The following POFUT4 variants were observed in gnomAD, a reference collection of about 807,000 sequenced individuals.
POFUT4 encodes protein O-fucosyltransferase 4.
the POFUT4 span, among the ~76,000 whole-genome samples, chr10:73,778,398 A>G: frequency 2.0e-5 from 3 of 150,830 alleles, no homozygotes; most frequent in African/African-American, 7.3e-5. Flanking sequence ...TCCCAAAAAA[A>G]AAAAAAAAAA....
chr10:73,775,198 C>T, the POFUT4 span: 1 of 561,446 alleles, frequency 1.8e-6, no homozygotes, highest in Non-Finnish European at 3.2e-6. Context: ...AGATAATCAT[C>T]TAAAGACCCC....
the POFUT4 span, chr10:73,772,672 G>T: frequency 6.4e-7 from 1 of 1,558,044 alleles, no homozygotes; most frequent in South Asian, 1.2e-5. Flanking sequence ...GAGCGCTGAG[G>T]GACTCGCGGA....
At chr10:73,773,090 GCCAGGACTCCAGGTGT>G in the POFUT4 span, 382,940 of 1,508,910 alleles carry the variant, frequency 0.25, 57,468 homozygotes, top group East Asian at 0.48. Context: ...GCGGGTTGAG[GCCAGGACTCCAGGTGT>G]CCAGGACTCC....
At chr10:73,776,455 G>A in the POFUT4 span, among the ~76,000 whole-genome samples, 4 of 151,854 alleles carry the variant, frequency 2.6e-5, no homozygotes, top group Non-Finnish European at 5.9e-5. Context: ...ACTTTGGGAG[G>A]CCGAGGAGAG....
At chr10:73,773,338 AC>A in the POFUT4 span, 6 of 1,614,126 alleles carry the variant, frequency 3.7e-6, no homozygotes, top group East Asian at 2.2e-5. Context: ...GCCATCTGTA[AC>A]GACTACATGA....
the POFUT4 span, chr10:73,775,544 G>A: frequency 6.2e-7 from 1 of 1,614,216 alleles, no homozygotes; most frequent in Non-Finnish European, 8.5e-7. Context: ...ATTTCAGTTG[G>A]AAAGAGATGT....
chr10:73,779,688 A>G, the POFUT4 span: 2 of 152,084 alleles, frequency 1.3e-5, no homozygotes, highest in Non-Finnish European at 2.9e-5. Context: ...GTGCATAATT[A>G]TTACACAAGT....
At chr10:73,778,337 G>A in the POFUT4 span, among the ~76,000 whole-genome samples, 1 of 147,244 alleles carries the variant, frequency 6.8e-6, no homozygotes, top group Admixed American at 6.8e-5. Flanking sequence ...AGGTTGCAGT[G>A]AGCTGAGATC....
At chr10:73,773,365 G>T in the POFUT4 span, 1 of 1,614,172 alleles carries the variant, frequency 6.2e-7, no homozygotes, top group Non-Finnish European at 8.5e-7. Context: ...AAACTGTGGC[G>T]TCCCATGCAC....
the POFUT4 span, chr10:73,772,691 C>G: frequency 7.6e-6 from 12 of 1,568,932 alleles, no homozygotes; most frequent in Non-Finnish European, 1.0e-5. Context: ...GACGCGCGCG[C>G]TGCTCTTCTA....
chr10:73,774,004 A>G, the POFUT4 span: 615 of 601,616 alleles, frequency 1.0e-3, 1 homozygote, highest in African/African-American at 0.011. Flanking sequence ...GATGTAAAAT[A>G]TAATTCAAGG....
the POFUT4 span, chr10:73,772,737 C>G: frequency 1.3e-6 from 2 of 1,597,724 alleles, no homozygotes; most frequent in Non-Finnish European, 1.7e-6. Context: ...GCCCCGCTGC[C>G]GCGCCTGGCG....
At chr10:73,773,531 C>A in the POFUT4 span, 1 of 1,614,228 alleles carries the variant, frequency 6.2e-7, no homozygotes, top group South Asian at 1.1e-5. Context: ...ATATGAAATA[C>A]CTGGCATACA....
chr10:73,778,545 A>G, the POFUT4 span, among the ~76,000 whole-genome samples: 1 of 152,082 alleles, frequency 6.6e-6, no homozygotes, highest in African/African-American at 2.4e-5. Flanking sequence ...CCTTAGGGCT[A>G]CTCTAGTTGT....
At chr10:73,777,028 T>C in the POFUT4 span, among the ~76,000 whole-genome samples, 1 of 152,194 alleles carries the variant, frequency 6.6e-6, no homozygotes, top group Non-Finnish European at 1.5e-5. Context: ...TAGGCCCTTT[T>C]CCACAATTTC....
chr10:73,774,972 G>A, the POFUT4 span: 1 of 178,362 alleles, frequency 5.6e-6, no homozygotes, highest in Admixed American at 5.5e-5. Context: ...GCTGCTGGCA[G>A]TTTTGTCCTG....
chr10:73,775,836 A>C, the POFUT4 span: 7 of 789,512 alleles, frequency 8.9e-6, no homozygotes, highest in Non-Finnish European at 1.4e-5. Flanking sequence ...ATTTTATCTT[A>C]ATGATGAGTA....
At chr10:73,773,192 A>G in the POFUT4 span, 2 of 1,608,156 alleles carry the variant, frequency 1.2e-6, no homozygotes, top group African/African-American at 1.3e-5. Context: ...CGGTCTAGGT[A>G]GACTCCTACG....
the POFUT4 span, chr10:73,775,853 G>C: frequency 1.5e-6 from 1 of 674,300 alleles, no homozygotes. Context: ...AGTAGCCAAG[G>C]TCTAACATAG....
Sources: allele counts gnomAD v4.1 joint callset (sites outside exome capture counted in the v4.1 genomes callset), GRCh38; gene constraint gnomAD v4.1.1; transcripts MANE v1.5; gene names NCBI Gene and HGNC (gene_info 2026-07-23, HGNC 2026-07-21).